CHN1: variants seen among roughly 807,000 people sequenced by gnomAD.
CHN1 encodes the protein N-chimaerin.
CHN1 carries 37 observed loss-of-function variants against 59.5 expected under a neutral mutation model. That is an observed-to-expected ratio of 0.62 (90% CI 0.48 to 0.82). The LOEUF (loss-of-function observed/expected upper bound fraction) is 0.82, where lower values mean the gene tolerates loss of function less well. Ranked by LOEUF, CHN1 falls within the 40% of genes least tolerant of loss-of-function variation. CHN1 has a pLI of 0.00. For synonymous variants in CHN1, 206 were observed against 200.4 expected (o/e 1.03, Z -0.24); for missense variants, 469 against 571.0 (o/e 0.82, Z 1.82).
At chr2:174,803,382 C>T (rs141723339) in intron 11 of CHN1, among the ~76,000 whole-genome samples, 6 of 152,320 alleles carry the variant, frequency 3.9e-5, no homozygotes, top group African/African-American at 1.4e-4. Context: ...GTTCCTGGCT[C>T]ATTTCTTTGA....
chr2:174,889,991 A>G (rs1688001563), intron 5 of CHN1, among the ~76,000 whole-genome samples: 1 of 152,136 alleles, frequency 6.6e-6, no homozygotes, highest in African/African-American at 2.4e-5. Flanking sequence ...TGAAACAAAA[A>G]TGAAAGCAAC....
intron 5 of CHN1, among the ~76,000 whole-genome samples, chr2:174,891,140 C>CAAAAAAAAA (rs58016502): frequency 4.1e-4 from 10 of 24,412 alleles, no homozygotes; most frequent in African/African-American, 9.4e-4. Flanking sequence ...GACTCCATCT[C>CAAAAAAAAA]AAAAAAAAAA....
At chr2:174,947,466 T>C (rs1466995452) in intron 2 of CHN1, among the ~76,000 whole-genome samples, 2 of 151,944 alleles carry the variant, frequency 1.3e-5, no homozygotes, top group Non-Finnish European at 2.9e-5. Context: ...TAATCTATCT[T>C]TAAGACTCTT....
chr2:174,967,464 T>C (rs889560544), intron 1 of CHN1, among the ~76,000 whole-genome samples: 3 of 152,222 alleles, frequency 2.0e-5, no homozygotes, highest in Admixed American at 6.5e-5. Context: ...CAAAATAATA[T>C]GCTTGATGAA....
intron 3 of CHN1, among the ~76,000 whole-genome samples, chr2:174,941,999 A>G (rs1313893841): frequency 6.6e-6 from 1 of 152,228 alleles, no homozygotes; most frequent in Non-Finnish European, 1.5e-5. Context: ...GCTACTATCA[A>G]AAAGACAAAA....
chr2:174,888,830 C>T (rs1687965730), intron 5 of CHN1, among the ~76,000 whole-genome samples: 1 of 152,156 alleles, frequency 6.6e-6, no homozygotes, highest in Admixed American at 6.5e-5. Context: ...AGGGCACTCA[C>T]TCAAAGCACT....
chr2:174,830,090 A>C (rs1249753321), intron 7 of CHN1, among the ~76,000 whole-genome samples: 8 of 152,050 alleles, frequency 5.3e-5, no homozygotes, highest in Admixed American at 5.2e-4. Flanking sequence ...AAGAATAGCC[A>C]GGTGTGGTGG....
At chr2:174,805,801 C>T (rs758556143) in intron 11 of CHN1, among the ~76,000 whole-genome samples, 6 of 150,642 alleles carry the variant, frequency 4.0e-5, no homozygotes, top group Non-Finnish European at 7.4e-5. Context: ...AGGGGCAGCT[C>T]AGTGGCAGAG....
intron 7 of CHN1, among the ~76,000 whole-genome samples, chr2:174,845,075 T>C (rs1686459993): frequency 6.6e-6 from 1 of 152,204 alleles, no homozygotes; most frequent in South Asian, 2.1e-4. Context: ...ATTAAAGCCA[T>C]GTGTTAAAAT....
At chr2:174,842,167 T>C (rs537619041) in intron 7 of CHN1, among the ~76,000 whole-genome samples, 3 of 152,316 alleles carry the variant, frequency 2.0e-5, no homozygotes, top group African/African-American at 7.2e-5. Flanking sequence ...ATTTATCAAA[T>C]GCTTCTTGAG....
At chr2:174,869,030 T>C (rs1395485830) in intron 6 of CHN1, among the ~76,000 whole-genome samples, 1 of 152,138 alleles carries the variant, frequency 6.6e-6, no homozygotes. Flanking sequence ...CTGGGGGACC[T>C]GTTCAGGCCA....
intron 3 of CHN1, among the ~76,000 whole-genome samples, chr2:174,941,613 T>C (rs1180216650): frequency 6.6e-6 from 1 of 152,072 alleles, no homozygotes; most frequent in Non-Finnish European, 1.5e-5. Flanking sequence ...TTTATATAGT[T>C]GTGACTTTTG....
At chr2:174,806,056 ATGT>A (rs1684876031) in intron 11 of CHN1, among the ~76,000 whole-genome samples, 1 of 152,036 alleles carries the variant, frequency 6.6e-6, no homozygotes, top group African/African-American at 2.4e-5. Context: ...AGCATCCATA[ATGT>A]TGGGTTACTG....
At position 174,847,580 on chromosome 2, in the gene CHN1, C is replaced by T. The variant is rs901521707; in HGVS notation, c.550-623G>A. 61 of 1,292,262 alleles carry T rather than the reference C, an allele frequency of 4.7e-5. No homozygotes were observed. The Admixed American group carries it at 1.5e-3, about 31-fold the overall frequency. The allele number at this position is 1,292,262 out of a possible 1,614,324, so 80.0% of individuals were successfully genotyped here. Reference sequence around the variant, plus strand: ...CAATCAGTTTCTAGCAACAGACACCCTATGAAGCCCCTAGCAGGGAAGGTG... The same window carrying T: ...CAATCAGTTTCTAGCAACAGACACCTTATGAAGCCCCTAGCAGGGAAGGTG... On this transcript the variant is annotated intron_variant, in intron 6 of 12. Coordinates refer to ENST00000409900, the MANE Select transcript of CHN1 (RefSeq NM_001822.7).
In CHN1 at chr2:175,005,352, C is replaced by T. The variant is rs1020210170; in HGVS notation, c.-440G>A. The T allele has an allele frequency of 5.3e-6, 6 of 1,139,544 alleles. No homozygotes were observed. In the South Asian group the frequency reaches 1.1e-4, roughly 22 times the overall value. The allele number at this position is 1,139,544 out of a possible 1,614,324, so 70.6% of individuals were successfully genotyped here. A position where few individuals can be genotyped will look rare whatever the true frequency, so the allele number is the denominator to read the frequency against. On this transcript the variant is annotated 5_prime_UTR_variant, in exon 1 of 13. Transcript: ENST00000409900. ...GCTCACTCCGCATCCCGCGGCCTCG[C>T]AGACGCCATCTTGCGATAGCGTCTC...
chr2:174,957,450 G>T (rs930933245), intron 1 of CHN1, among the ~76,000 whole-genome samples: 1 of 143,096 alleles, frequency 7.0e-6, no homozygotes, highest in Non-Finnish European at 1.5e-5. Flanking sequence ...GTGTGTTGGG[G>T]GGGGGGGCAG....
intron 5 of CHN1, among the ~76,000 whole-genome samples, chr2:174,898,207 C>T (rs1185104793): frequency 6.6e-6 from 1 of 152,156 alleles, no homozygotes; most frequent in Non-Finnish European, 1.5e-5. Context: ...CAAAATGGAA[C>T]TAGTCAGGGC....
intron 11 of CHN1, among the ~76,000 whole-genome samples, chr2:174,805,926 G>A (rs1264934825): frequency 2.2e-4 from 34 of 152,180 alleles, no homozygotes; most frequent in Non-Finnish European, 2.9e-5. Flanking sequence ...ACTGAGACAT[G>A]TAGCTTTTTG....
intron 5 of CHN1, among the ~76,000 whole-genome samples, chr2:174,890,183 C>T (rs1189875365): frequency 2.0e-5 from 3 of 152,096 alleles, no homozygotes; most frequent in African/African-American, 4.8e-5. Context: ...ACAAAAGACT[C>T]ACCTTAGATG....
Sources: gnomAD v4.1 joint callset for allele counts (sites outside exome capture counted in the v4.1 genomes callset) on GRCh38, gnomAD v4.1.1 for gene constraint, MANE v1.5 for transcripts, NCBI Gene and HGNC (gene_info 2026-07-23, HGNC 2026-07-21) for gene names.